The following SPATA13 variants were observed in gnomAD, a reference collection of about 807,000 sequenced individuals.
SPATA13 encodes spermatogenesis associated 13.
In SPATA13, 50 loss-of-function variants were observed where a neutral mutation model predicts 104.0. That is an observed-to-expected ratio of 0.48 (90% confidence interval 0.38 to 0.61). The LOEUF is 0.61. SPATA13 is among the 20% of genes least tolerant of loss of function. SPATA13 has a pLI of 0.00. For missense variants in SPATA13, 1,524 were observed against 1,690.6 expected (o/e 0.90, Z 1.73); for synonymous variants, 606 against 667.5 (o/e 0.91, Z 1.42).
At chr13:24,137,455 C>T (rs1566117525) in intron 3 of SPATA13, among the ~76,000 whole-genome samples, 2 of 152,162 alleles carry the variant, frequency 1.3e-5, no homozygotes, top group Non-Finnish European at 2.9e-5. Context: ...ATTCTGCTTA[C>T]ATAATATCAA....
At position 24,119,154 on chromosome 13, in the gene SPATA13, G is replaced by A. The variant is rs944622341; in HGVS notation, c.-112+101453G>A. ...GATCTCCTGACCTTGTGATCTGCCCGCCTCGGCCTCCCAAAGAGCTGGGAT... is the reference window on the plus strand; with the variant it reads ...GATCTCCTGACCTTGTGATCTGCCCACCTCGGCCTCCCAAAGAGCTGGGAT... On this transcript the variant is annotated intron_variant, in intron 3 of 14. Transcript: ENST00000424834. Among the ~76,000 whole-genome samples, 4 of 152,090 alleles carry A rather than the reference G, an allele frequency of 2.6e-5. No homozygotes were observed. The East Asian group carries it at 5.8e-4, about 22-fold the overall frequency.
intron 3 of SPATA13, among the ~76,000 whole-genome samples, chr13:24,117,509 C>T (rs1880885016): frequency 2.0e-5 from 3 of 152,150 alleles, no homozygotes; most frequent in Non-Finnish European, 1.5e-5. Context: ...TTAGTGATGT[C>T]AGTTTTTGAT....
At chr13:24,164,499 G>A (rs1428853739) in intron 1 of SPATA13, among the ~76,000 whole-genome samples, 5 of 152,234 alleles carry the variant, frequency 3.3e-5, no homozygotes, top group African/African-American at 1.2e-4. Flanking sequence ...CTCCTAGGAT[G>A]AGATGGGTGA....
chr13:24,067,977 T>C (rs1369942892), intron 3 of SPATA13, among the ~76,000 whole-genome samples: 1 of 152,320 alleles, frequency 6.6e-6, no homozygotes, highest in East Asian at 1.9e-4. Context: ...GTGCTAGGAT[T>C]ATAGTTGTTT....
intron 3 of SPATA13, among the ~76,000 whole-genome samples, chr13:24,025,813 C>CTTTTTT (rs61153723): frequency 6.8e-6 from 1 of 146,556 alleles, no homozygotes; most frequent in Non-Finnish European, 1.5e-5. Flanking sequence ...TTCTTTCTTT[C>CTTTTTT]TTTTTTTTTT....
intron 3 of SPATA13, among the ~76,000 whole-genome samples, chr13:24,138,043 G>A (rs7988677): frequency 0.65 from 98,695 of 151,322 alleles, 32,715 homozygotes; most frequent in East Asian, 0.9. Context: ...GCTCGCGCAT[G>A]TAATCCCAGC....
chr13:24,138,403 G>T (rs921231590), intron 3 of SPATA13, among the ~76,000 whole-genome samples: 11 of 152,036 alleles, frequency 7.2e-5, no homozygotes, highest in Non-Finnish European at 1.5e-4. Flanking sequence ...GGGGTTTAGT[G>T]CGTCAGTTTT....
intron 1 of SPATA13, among the ~76,000 whole-genome samples, chr13:24,191,726 G>T (rs1869771670): frequency 6.6e-6 from 1 of 151,848 alleles, no homozygotes; most frequent in Non-Finnish European, 1.5e-5. Flanking sequence ...TAGCCAGGAT[G>T]GTCTTGATCT....
chr13:24,260,474 A>T (rs1220588), intron 4 of SPATA13, among the ~76,000 whole-genome samples: 1,903 of 152,310 alleles, frequency 0.012, 38 homozygotes, highest in African/African-American at 0.044. Context: ...AGTCAAGAGC[A>T]TGACCCCACC....
At chr13:24,165,884 T>C (rs1045696906) in intron 1 of SPATA13, among the ~76,000 whole-genome samples, 1 of 152,202 alleles carries the variant, frequency 6.6e-6, no homozygotes, top group African/African-American at 2.4e-5. Context: ...TAGAGATTGG[T>C]AAATGTGCCC....
At chr13:24,157,371 T>G (rs956789952), upstream of SPATA13, among the ~76,000 whole-genome samples, 2 of 152,172 alleles carry the variant, frequency 1.3e-5, no homozygotes, top group African/African-American at 4.8e-5. Context: ...CGATCGCGGC[T>G]CACTGCAAGC....
At chr13:24,270,773 G>A in intron 4 of SPATA13, 1 of 1,607,124 alleles carries the variant, frequency 6.2e-7, no homozygotes, top group Non-Finnish European at 8.5e-7. Context: ...CTGCCAGCCT[G>A]TGCAGTCCTC....
At chr13:24,263,064 T>C (rs2138682197) in intron 4 of SPATA13, among the ~76,000 whole-genome samples, 1 of 152,298 alleles carries the variant, frequency 6.6e-6, no homozygotes, top group East Asian at 1.9e-4. Flanking sequence ...CTCCACTGAA[T>C]TTTTTGTTAA....
At chr13:24,142,569 T>C (rs1165529377) in intron 3 of SPATA13, among the ~76,000 whole-genome samples, 1 of 152,036 alleles carries the variant, frequency 6.6e-6, no homozygotes, top group Non-Finnish European at 1.5e-5. Flanking sequence ...ATGGGAAGTG[T>C]TTTTCCTTGA....
chr13:24,271,033 T>TCCCTCTCA, intron 4 of SPATA13: 1 of 691,270 alleles, frequency 1.4e-6, no homozygotes, highest in Non-Finnish European at 2.7e-6. Context: ...TCTCTCTCTC[T>TCCCTCTCA]CTCTCTCACT....
chr13:24,187,056 A>G (rs2138535036), intron 1 of SPATA13, among the ~76,000 whole-genome samples: 1 of 152,332 alleles, frequency 6.6e-6, no homozygotes, highest in Middle Eastern at 3.4e-3. Context: ...AGCAAACACC[A>G]GGTTGCATGT....
At chr13:24,249,376 A>G in intron 2 of SPATA13, 101 bp from the exon 3 acceptor site, 1 of 1,387,360 alleles carries the variant, frequency 7.2e-7, no homozygotes, top group East Asian at 2.5e-5. Flanking sequence ...AATCAAGAAA[A>G]CCCGAGGCAC....
chr13:24,265,410 G>A (rs1045707560), intron 4 of SPATA13, among the ~76,000 whole-genome samples: 1 of 152,306 alleles, frequency 6.6e-6, no homozygotes. Context: ...AGAATGAAGA[G>A]GTCACTCTCG....
chr13:24,038,067 A>G (rs568266762), intron 3 of SPATA13, among the ~76,000 whole-genome samples: 17 of 151,806 alleles, frequency 1.1e-4, no homozygotes, highest in Middle Eastern at 3.4e-3. Context: ...GCCTGCCACC[A>G]TGCCCAGCTA....
Sources: gnomAD v4.1 joint callset for allele counts (sites outside exome capture counted in the v4.1 genomes callset) on GRCh38, gnomAD v4.1.1 for gene constraint, MANE v1.5 for transcripts, NCBI Gene and HGNC (gene_info 2026-07-23, HGNC 2026-07-21) for gene names.